Variants in KLF8 observed in about 807,000 individuals in gnomAD.
KLF8 encodes KLF transcription factor 8.
In KLF8, 10 loss-of-function variants were observed where a neutral mutation model predicts 18.2. The observed-to-expected ratio is 0.55, with a 90% CI of 0.34 to 0.93. KLF8 has a LOEUF of 0.93. KLF8 is among the 40% of genes least tolerant of loss of function. The probability of loss-of-function intolerance (pLI) is 0.02; values close to 1 mark genes in which losing one functional copy is unlikely to be tolerated. For synonymous variants in KLF8, 109 were observed against 97.3 expected (o/e 1.12, Z -0.71); for missense variants, 264 against 277.9 (o/e 0.95, Z 0.36).
the KLF8 span, among the ~76,000 whole-genome samples, chrX:56,177,842 A>T: frequency 2.7e-5 from 3 of 111,753 alleles, no homozygotes; most frequent in Non-Finnish European, 5.7e-5. Context: ...TTGCAGTTTG[A>T]TCTCAGACTG....
the KLF8 span, among the ~76,000 whole-genome samples, chrX:55,911,125 A>C: frequency 1.8e-5 from 2 of 112,397 alleles, no homozygotes; most frequent in African/African-American, 6.5e-5. Flanking sequence ...AGAAAAAAGA[A>C]AACGTTTAGA....
chrX:56,025,727 C>A, the KLF8 span, among the ~76,000 whole-genome samples: 1 of 111,684 alleles, frequency 9.0e-6, no homozygotes, highest in African/African-American at 3.3e-5. Flanking sequence ...ATTTCAAATA[C>A]CGTGATCATG....
chrX:56,233,199 G>C lies in KLF8; in HGVS notation c.-136G>C. The stretch of plus-strand genomic sequence containing the variant: ...AGTGGGGGCCCAAGAACGAGAAGAC[G>C]AGAACGCGTCGCCCTGCGCTATGTC... On this transcript the variant is annotated 5_prime_UTR_variant, in exon 1 of 6. Transcript: ENST00000468660. 1 of 725,280 alleles carries C rather than the reference G, an allele frequency of 1.4e-6. No individual in the cohort carries two copies. The highest frequency in any genetic ancestry group is 2.1e-6 in the Non-Finnish European group (1 of 472,004). 59.8% of individuals were successfully genotyped at this position (725,280 alleles called of 1,213,427 possible).
chrX:56,023,289 A>C, the KLF8 span, among the ~76,000 whole-genome samples: 2 of 112,102 alleles, frequency 1.8e-5, no homozygotes, highest in Non-Finnish European at 3.8e-5. Context: ...AAACAGCAAA[A>C]TGATAGATGT....
In KLF8 at chrX:56,285,486, A is replaced by C. The variant is rs1386520422; in HGVS notation, c.*992A>C. 1.8e-5 allele frequency: 2 copies of C among 111,710 alleles called. No individual in the cohort carries two copies. The highest frequency in any genetic ancestry group is 3.8e-5 in the Non-Finnish European group (2 of 53,142). 9.2% of individuals were successfully genotyped at this position (111,710 alleles called of 1,213,427 possible). On this transcript the variant is annotated 3_prime_UTR_variant, in exon 6 of 6. Transcript: ENST00000468660. ...CTGTACTGTTTATTTTTTCGTTTACACAAAGAAGCAATTGAGTATATTGCA... is the reference window on the plus strand; with the variant it reads ...CTGTACTGTTTATTTTTTCGTTTACCCAAAGAAGCAATTGAGTATATTGCA...
chrX:55,984,318 C>T, the KLF8 span, among the ~76,000 whole-genome samples: 1 of 110,784 alleles, frequency 9.0e-6, no homozygotes. Flanking sequence ...TCCGAGTGTT[C>T]TCATCATTCA....
chrX:55,989,854 G>T, the KLF8 span, among the ~76,000 whole-genome samples: 1 of 111,261 alleles, frequency 9.0e-6, no homozygotes. Context: ...TGGTTGGTAA[G>T]CTATTAATTA....
the KLF8 span, among the ~76,000 whole-genome samples, chrX:55,958,584 T>C: frequency 8.9e-6 from 1 of 112,047 alleles, no homozygotes; most frequent in Non-Finnish European, 1.9e-5. Context: ...ATATTTTTAC[T>C]GTTATAAATG....
At chrX:56,270,375 CACACACGAGAGA>C in intron 5 of KLF8, 54 bp downstream of exon 5, 2 of 1,040,758 alleles carry the variant, frequency 1.9e-6, no homozygotes, top group Non-Finnish European at 2.5e-6. Flanking sequence ...CACACACACA[CACACACGAGAGA>C]GAGAGAGAGA....
At chrX:55,985,655 A>C in the KLF8 span, among the ~76,000 whole-genome samples, 2 of 98,141 alleles carry the variant, frequency 2.0e-5, no homozygotes, top group Non-Finnish European at 4.2e-5. Flanking sequence ...TTTTTTTTCT[A>C]ATTTTGTGAA....
At chrX:56,073,107 C>A in the KLF8 span, among the ~76,000 whole-genome samples, 2 of 109,486 alleles carry the variant, frequency 1.8e-5, no homozygotes, top group Non-Finnish European at 3.8e-5. Context: ...CTGCCTCAGC[C>A]TCCCGAGTAG....
At chrX:56,222,204 C>A in the KLF8 span, among the ~76,000 whole-genome samples, 2 of 110,813 alleles carry the variant, frequency 1.8e-5, no homozygotes, top group African/African-American at 6.6e-5. Flanking sequence ...CACTAGATAG[C>A]TAGACACAGA....
At chrX:56,050,386 C>T in the KLF8 span, among the ~76,000 whole-genome samples, 1 of 112,215 alleles carries the variant, frequency 8.9e-6, no homozygotes, top group Non-Finnish European at 1.9e-5. Flanking sequence ...ATCTTTCCTG[C>T]TTTCTCTTGT....
chrX:56,233,112 G>A lies in KLF8; in HGVS notation c.-223G>A. ...CTTGTTCCGAGAGTGGCCCAGCTGGGTCTGAATCGACTCCCTCCCCTTTCG... is the reference window on the plus strand; with the variant it reads ...CTTGTTCCGAGAGTGGCCCAGCTGGATCTGAATCGACTCCCTCCCCTTTCG... On this transcript the variant is annotated 5_prime_UTR_variant, in exon 1 of 6. Coordinates refer to ENST00000468660, the MANE Select transcript of KLF8 (RefSeq NM_007250.5). The A allele has an allele frequency of 2.3e-6, 1 of 435,714 alleles. No homozygotes were observed. Among genetic ancestry groups the A allele is most frequent in the Non-Finnish European group, 4.1e-6 (1 of 245,460 alleles). 35.9% of individuals were successfully genotyped at this position (435,714 alleles called of 1,213,427 possible).
chrX:56,211,030 G>T, the KLF8 span, among the ~76,000 whole-genome samples: 2 of 110,831 alleles, frequency 1.8e-5, no homozygotes, highest in Non-Finnish European at 3.8e-5. Flanking sequence ...TGTTTCTCCA[G>T]GATTGGCCAT....
At chrX:55,908,410 T>A in the KLF8 span, 1 of 293,365 alleles carries the variant, frequency 3.4e-6, no homozygotes, top group South Asian at 2.1e-4. Context: ...AATGGTGTAG[T>A]AGTAGATGGG....
At chrX:56,031,886 G>T in the KLF8 span, among the ~76,000 whole-genome samples, 2 of 111,667 alleles carry the variant, frequency 1.8e-5, no homozygotes, top group Non-Finnish European at 3.8e-5. Flanking sequence ...TTACATGAAA[G>T]GGCCGTGATC....
At chrX:56,171,561 C>T in the KLF8 span, among the ~76,000 whole-genome samples, 1 of 110,708 alleles carries the variant, frequency 9.0e-6, no homozygotes, top group South Asian at 3.9e-4. Context: ...TGTGATGTTC[C>T]CCACCCTGTG....
the KLF8 span, among the ~76,000 whole-genome samples, chrX:56,150,778 C>T: frequency 9.0e-6 from 1 of 111,594 alleles, no homozygotes; most frequent in African/African-American, 3.3e-5. Flanking sequence ...CATCTAAAGA[C>T]TTGACTAGGA....
Sources: allele counts gnomAD v4.1 joint callset (sites outside exome capture counted in the v4.1 genomes callset), GRCh38; gene constraint gnomAD v4.1.1; transcripts MANE v1.5; gene names NCBI Gene and HGNC (gene_info 2026-07-23, HGNC 2026-07-21).